The following HDGFL2 variants were observed in gnomAD, a reference collection of about 807,000 sequenced individuals.
HDGFL2 encodes the protein hepatoma-derived growth factor-related protein 2.
In HDGFL2, 36 loss-of-function variants were observed where a neutral mutation model predicts 77.1. The observed-to-expected ratio is 0.47, with a 90% CI of 0.36 to 0.62. The LOEUF (loss-of-function observed/expected upper bound fraction) is 0.62. Ranked by LOEUF, HDGFL2 falls within the 20% of genes least tolerant of loss-of-function variation. HDGFL2 has a pLI of 0.00. For synonymous variants in HDGFL2, 463 were observed against 413.1 expected (o/e 1.12, Z -1.46); for missense variants, 976 against 973.4 (o/e 1.00, Z -0.04).
rs139454151 is a variant in HDGFL2, at chr19:4,494,988, G to A, written c.1224+513G>A. ...GTAGTGCGTGCTGTCCGGAGTTTTC[G>A]GTGCTAAGGAGAAGAGTAAAGTGGG... On this transcript the variant is annotated intron_variant, in intron 9 of 15. Coordinates refer to ENST00000616600, the MANE Select transcript of HDGFL2 (RefSeq NM_001001520.3). Among the ~76,000 whole-genome samples, 250 of 152,156 alleles carry A rather than the reference G, an allele frequency of 1.6e-3. 1 individual carries two copies. Among genetic ancestry groups the A allele is most frequent in the African/African-American group, 4.9e-3 (204 of 41,510 alleles).
At chr19:4,483,499 G>A (rs1323181651) in intron 3 of HDGFL2, among the ~76,000 whole-genome samples, 1 of 152,184 alleles carries the variant, frequency 6.6e-6, no homozygotes, top group East Asian at 1.9e-4. Context: ...TTCTGTCCGG[G>A]CATTTCTACT....
intron 12 of HDGFL2, 91 bp from the exon 13 acceptor site, chr19:4,498,723 C>A: frequency 1.2e-6 from 1 of 823,100 alleles, no homozygotes. Context: ...TCAAGGAGAG[C>A]CCAGGATGTC....
rs1486424884 is a variant in HDGFL2, at chr19:4,493,719, C to T, written c.695C>T (p.Ser232Phe). The stretch of plus-strand genomic sequence containing the variant: ...TCTCCCCAGAAGGCGCCATCAGCCT[C>T]CGACTCCGACTCCAAGGCCGATTCG... ...GRKKKKAPSA[S>F]DSDSKADSDG... Residue 232 changes from serine to phenylalanine, a missense_variant, in exon 7 of 16, where the codon TCC becomes TTC. Physicochemically the swap from Ser to Phe is radical, Grantham distance 155. Transcript: ENST00000616600. 1.4e-6 allele frequency: 2 copies of T among 1,478,628 alleles called. No homozygotes were observed. Among genetic ancestry groups the T allele is most frequent in the Admixed American group, 2.5e-5 (1 of 40,634 alleles). The allele number at this position is 1,478,628 out of a possible 1,614,324, so 91.6% of individuals were successfully genotyped here.
Position 4,498,016 on chromosome 19 carries a change from G to A in HDGFL2, c.1387G>A (p.Val463Ile), listed in dbSNP as rs547790923. 3.2e-6 allele frequency: 5 copies of A among 1,556,166 alleles called. No homozygotes were observed. The South Asian group carries it at 3.6e-5, about 11-fold the overall frequency. ...RSEGFSMDRKVEKKKEPSVEE... is the reference protein window; with the variant it reads ...RSEGFSMDRKIEKKKEPSVEE... ...CGAGGGCTTCTCGATGGACAGGAAG[G>A]TAGAGAAGAAGAAAGGTGAGGCCTG... The change falls in exon 11 of 16, where the codon GTA (valine) becomes ATA (isoleucine). Residue 463 changes from valine (V) to isoleucine (I), a missense_variant. Transcript: ENST00000616600.
chr19:4,501,437 T>C, intron 15 of HDGFL2, 120 bp downstream of exon 15: 1 of 1,226,106 alleles, frequency 8.2e-7, no homozygotes, highest in Non-Finnish European at 1.1e-6. Context: ...GATGTCGTCC[T>C]TACTCGGGCC....
intron 2 of HDGFL2, 38 bp downstream of exon 2, chr19:4,475,389 G>T (rs886456839): frequency 6.2e-6 from 10 of 1,613,838 alleles, no homozygotes; most frequent in Non-Finnish European, 7.6e-6. Flanking sequence ...TTCTCCTCTG[G>T]TGCCTCCCGG....
At chr19:4,496,908 C>G (rs1006467634) in intron 10 of HDGFL2, 4 of 391,914 alleles carry the variant, frequency 1.0e-5, no homozygotes, top group African/African-American at 8.8e-5. Flanking sequence ...TGTTCTTGCT[C>G]TTTTGCACAG....
chr19:4,501,600 C>T, intron 15 of HDGFL2: 1 of 477,318 alleles, frequency 2.1e-6, no homozygotes, highest in Non-Finnish European at 3.7e-6. Flanking sequence ...GTAGGTAGGC[C>T]CCGAGCACGG....
chr19:4,489,446 C>T (rs1387740445), intron 4 of HDGFL2, among the ~76,000 whole-genome samples: 1 of 151,984 alleles, frequency 6.6e-6, no homozygotes, highest in African/African-American at 2.4e-5. Flanking sequence ...ATTCTGTTGC[C>T]AGGCTGGAGT....
chr19:4,477,214 C>T (rs1013824872), intron 3 of HDGFL2, among the ~76,000 whole-genome samples: 1 of 152,114 alleles, frequency 6.6e-6, no homozygotes, highest in African/African-American at 2.4e-5. Flanking sequence ...GGTGGTGACA[C>T]CTGCCACGCA....
At chr19:4,498,730 T>C in intron 12 of HDGFL2, 84 bp from the exon 13 acceptor site, 1 of 857,130 alleles carries the variant, frequency 1.2e-6, no homozygotes, top group Non-Finnish European at 1.9e-6. Flanking sequence ...GAGCCCAGGA[T>C]GTCTTCCTCC....
intron 3 of HDGFL2, among the ~76,000 whole-genome samples, chr19:4,478,705 G>A (rs1156529080): frequency 2.0e-5 from 3 of 150,598 alleles, no homozygotes; most frequent in African/African-American, 4.9e-5. Flanking sequence ...TTTTTCAGAC[G>A]GTGTCTCACT....
intron 3 of HDGFL2, among the ~76,000 whole-genome samples, chr19:4,475,950 C>T (rs1380694765): frequency 6.6e-6 from 1 of 150,418 alleles, no homozygotes; most frequent in African/African-American, 2.5e-5. Flanking sequence ...AGTGCAGTGG[C>T]GCGATCTCGG....
At chr19:4,501,473 G>GC (rs1304810221) in intron 15 of HDGFL2, 156 bp downstream of exon 15, 5 of 871,404 alleles carry the variant, frequency 5.7e-6, no homozygotes, top group Non-Finnish European at 8.2e-6. Context: ...TGACCCCAGG[G>GC]CCCCGCTGGC....
At chr19:4,500,452 ATTTTTTTTTTT>A (rs67297373) in intron 14 of HDGFL2, among the ~76,000 whole-genome samples, 8 of 88,720 alleles carry the variant, frequency 9.0e-5, no homozygotes, top group African/African-American at 3.5e-4. Flanking sequence ...TGCCCTGCTA[ATTTTTTTTTTT>A]TTTTTTTTTT....
chr19:4,492,963 G>T (rs1475755262), intron 6 of HDGFL2, among the ~76,000 whole-genome samples: 2 of 129,824 alleles, frequency 1.5e-5, no homozygotes, highest in East Asian at 4.3e-4. Flanking sequence ...CGTGTGAGTT[G>T]TCTGTGGTGT....
rs2145201833 is a variant in HDGFL2, at chr19:4,493,849, G to A, written c.825G>A (p.Arg275=). ...ATGTGTCTGTGAAGAAGCCTCCGAG[G>A]GGCAGGAAGCCAGGTAGGGCCCTCG... ...DSDVSVKKPP[R]GRKPAEKPLP... is the part of the protein sequence containing the mutation. Residue 275 remains arginine (R), a synonymous_variant, in exon 7 of 16, where the codon AGG becomes AGA. Coordinates refer to ENST00000616600, the MANE Select transcript of HDGFL2 (RefSeq NM_001001520.3). The A allele has an allele frequency of 6.6e-7, 1 of 1,510,516 alleles. No individual in the cohort carries two copies. Among genetic ancestry groups the A allele is most frequent in the East Asian group, 2.5e-5 (1 of 39,672 alleles). 93.6% of individuals were successfully genotyped at this position (1,510,516 alleles called of 1,614,324 possible).
At chr19:4,490,231 G>A (rs1197981767) in intron 4 of HDGFL2, among the ~76,000 whole-genome samples, 1 of 152,280 alleles carries the variant, frequency 6.6e-6, no homozygotes, top group East Asian at 1.9e-4. Flanking sequence ...GGGATTACAG[G>A]GGCCCGCTAC....
chr19:4,495,385 C>CAGAA (rs1975674798), intron 9 of HDGFL2, among the ~76,000 whole-genome samples: 1 of 54,234 alleles, frequency 1.8e-5, no homozygotes, highest in Non-Finnish European at 3.2e-5. Context: ...GACTCCATCT[C>CAGAA]AAAAAAAAAA....
Sources: gnomAD v4.1 joint callset for allele counts (sites outside exome capture counted in the v4.1 genomes callset) on GRCh38, gnomAD v4.1.1 for gene constraint, MANE v1.5 for transcripts, NCBI Gene and HGNC (gene_info 2026-07-23, HGNC 2026-07-21) for gene names.